Variants in ZC3H14 observed in about 807,000 individuals in gnomAD.
The protein encoded by ZC3H14 is zinc finger CCCH-type containing 14.
A neutral mutation model predicts 92.4 loss-of-function variants in ZC3H14; 31 were observed. That is an observed-to-expected ratio of 0.34 (90% CI 0.25 to 0.45). ZC3H14 has a LOEUF of 0.45. Ranked by LOEUF, ZC3H14 falls within the 20% of genes least tolerant of loss-of-function variation. The pLI, the probability that ZC3H14 is intolerant of heterozygous loss-of-function variation, is 1.00. For synonymous variants in ZC3H14, 321 were observed against 300.9 expected (o/e 1.07, Z -0.69); for missense variants, 781 against 897.3 (o/e 0.87, Z 1.66).
At chr14:88,591,003 TA>T in intron 9 of ZC3H14, 1 of 152,254 alleles carries the variant, frequency 6.6e-6, no homozygotes, top group Non-Finnish European at 1.5e-5. Flanking sequence ...CTGCACCTTG[TA>T]ACCCCCATCT....
chr14:88,595,203 C>A, intron 9 of ZC3H14: 1 of 1,554,690 alleles, frequency 6.4e-7, no homozygotes, highest in Non-Finnish European at 8.6e-7. Context: ...GTGGAGGGAG[C>A]AAGTTACAGA....
chr14:88,602,815 ATC>A lies in ZC3H14; in HGVS notation c.1515-11_1515-10del, dbSNP rs750384352. On this transcript the variant is annotated splice_polypyrimidine_tract_variant and intron_variant, in intron 11 of 16. Transcript: ENST00000251038. ...TTTCCCTAATTCTATGGTATTTTTT[ATC>A]TGTCTGGCAGAGATCTTGTACAACC... 4 of 1,613,256 alleles carry A rather than the reference ATC, an allele frequency of 2.5e-6. No individual in the cohort carries two copies. The highest frequency in any genetic ancestry group is 3.4e-6 in the Non-Finnish European group (4 of 1,179,544).
intron 9 of ZC3H14, chr14:88,590,424 C>A: frequency 6.5e-6 from 1 of 153,094 alleles, no homozygotes. Context: ...TGCACACTGG[C>A]CTGCTTGTCC....
rs566346513 is a variant in ZC3H14 at position 88,604,846 on chromosome 14, G to A, written c.1747+1786G>A. Among the ~76,000 whole-genome samples, 58 of 152,020 alleles carry A rather than the reference G, an allele frequency of 3.8e-4. No individual in the cohort carries two copies. In the South Asian group the frequency reaches 7.7e-3, roughly 20 times the overall value. On this transcript the variant is annotated intron_variant, in intron 12 of 16. Coordinates refer to ENST00000251038, the MANE Select transcript of ZC3H14 (RefSeq NM_024824.5). ...TGACCTCAAGTGATCCACCAACCTC[G>A]GCCTCCCAAAGTTCTGGGATTACAG...
Position 88,602,885 on chromosome 14 carries a change from T to C in ZC3H14, c.1572T>C (p.Gly524=), listed in dbSNP as rs752385551. The C allele has an allele frequency of 6.2e-7, 1 of 1,614,142 alleles. No homozygotes were observed. Among genetic ancestry groups the C allele is most frequent in the South Asian group, 1.1e-5 (1 of 91,076 alleles). Reference sequence around the variant, plus strand: ...CCAAGTTTATAGTGACGCTGGATGGTGTCCCCAGCCCCCCAGGATACATGT... The same window carrying C: ...CCAAGTTTATAGTGACGCTGGATGGCGTCCCCAGCCCCCCAGGATACATGT... ...ASPKFIVTLD[G]VPSPPGYMSD... is the part of the protein sequence containing the mutation. Residue 524 remains glycine (G), a synonymous_variant, in exon 12 of 17, where the codon GGT becomes GGC. Transcript: ENST00000251038.
At chr14:88,565,197 A>C (rs2079407313) in intron 2 of ZC3H14, among the ~76,000 whole-genome samples, 1 of 152,152 alleles carries the variant, frequency 6.6e-6, no homozygotes, top group African/African-American at 2.4e-5. Flanking sequence ...GCTGGAGTGC[A>C]GTGGCGTGAT....
intron 10 of ZC3H14, among the ~76,000 whole-genome samples, chr14:88,601,320 G>A (rs991289588): frequency 6.6e-6 from 1 of 152,040 alleles, no homozygotes; most frequent in African/African-American, 2.4e-5. Context: ...TGTAGGTCTT[G>A]GCATATTTTA....
chr14:88,597,653 C>T (rs969517701), intron 10 of ZC3H14, among the ~76,000 whole-genome samples: 7 of 152,212 alleles, frequency 4.6e-5, no homozygotes, highest in Non-Finnish European at 5.9e-5. Flanking sequence ...CCCACTCCTC[C>T]AACTTCATTC....
intron 8 of ZC3H14, 123 bp downstream of exon 8, chr14:88,576,063 G>C: frequency 1.2e-6 from 1 of 838,808 alleles, no homozygotes; most frequent in Non-Finnish European, 1.9e-6. Flanking sequence ...ACCAAGATGA[G>C]GTTCCCATAT....
chr14:88,626,818 G>A lies in ZC3H14; in HGVS notation c.*15067G>A. 2 of 1,611,862 alleles carry A rather than the reference G, an allele frequency of 1.2e-6. No homozygotes were observed. Reference sequence around the variant, plus strand: ...TGTAAAGTAGTCAAAGTCACACTATGTGCATTTTAAGAGACATACTGCACC... The same window carrying A: ...TGTAAAGTAGTCAAAGTCACACTATATGCATTTTAAGAGACATACTGCACC... On this transcript the variant is annotated 3_prime_UTR_variant, in exon 17 of 17. Transcript: ENST00000251038.
At chr14:88,598,806 G>C (rs1269028315) in intron 10 of ZC3H14, among the ~76,000 whole-genome samples, 2 of 152,208 alleles carry the variant, frequency 1.3e-5, no homozygotes, top group African/African-American at 4.8e-5. Flanking sequence ...GAAAACAGTG[G>C]CCAGGTGCAG....
chr14:88,586,215 A>G (rs2082459536), intron 9 of ZC3H14, among the ~76,000 whole-genome samples: 2 of 152,202 alleles, frequency 1.3e-5, no homozygotes, highest in Non-Finnish European at 2.9e-5. Flanking sequence ...ACATTTTTGT[A>G]ATTTTTTCCA....
rs2087429251 is a variant in ZC3H14 at position 88,615,350 on chromosome 14, T to C, written c.*3599T>C. On this transcript the variant is annotated 3_prime_UTR_variant, in exon 17 of 17. Coordinates refer to ENST00000251038, the MANE Select transcript of ZC3H14 (RefSeq NM_024824.5). ...TAAAAACTGTGATCCTTTAGGATGA[T>C]CATGACTTTCCCTTTCCTTATGGAA... 2 of 152,842 alleles carry C rather than the reference T, an allele frequency of 1.3e-5. No homozygotes were observed. Among genetic ancestry groups the C allele is most frequent in the African/African-American group, 4.8e-5 (2 of 41,472 alleles). 9.5% of individuals were successfully genotyped at this position (152,842 alleles called of 1,614,324 possible). A position where few individuals can be genotyped will look rare whatever the true frequency, so the allele number is the denominator to read the frequency against.
chr14:88,603,208 A>G (rs2084890537), intron 12 of ZC3H14, 148 bp downstream of exon 12: 2 of 814,046 alleles, frequency 2.5e-6, no homozygotes, highest in Admixed American at 4.2e-5. Context: ...CAAACCCACC[A>G]AGTACATTTC....
intron 9 of ZC3H14, among the ~76,000 whole-genome samples, chr14:88,585,710 G>T (rs559643205): frequency 6.6e-6 from 1 of 151,920 alleles, no homozygotes; most frequent in African/African-American, 2.4e-5. Context: ...TCTTTTAGTC[G>T]TTACCAGTGA....
At position 88,618,678 on chromosome 14, in the gene ZC3H14, T is replaced by G; in HGVS notation, c.*6927T>G. On this transcript the variant is annotated 3_prime_UTR_variant, in exon 17 of 17. Coordinates refer to ENST00000251038, the MANE Select transcript of ZC3H14 (RefSeq NM_024824.5). ...GAGATAACTGCTATCTGCAGAGAAGTCCATTTGAATGACAAAGCTTGGAAT... is the reference window on the plus strand; with the variant it reads ...GAGATAACTGCTATCTGCAGAGAAGGCCATTTGAATGACAAAGCTTGGAAT... 1.9e-6 allele frequency: 3 copies of G among 1,612,952 alleles called. No individual in the cohort carries two copies. Among genetic ancestry groups the G allele is most frequent in the Non-Finnish European group, 2.5e-6 (3 of 1,179,504 alleles).
Position 88,618,295 on chromosome 14 carries a change from C to A in ZC3H14, c.*6544C>A, listed in dbSNP as rs1388081421. The A allele has an allele frequency of 6.2e-7, 1 of 1,613,788 alleles. No homozygotes were observed. The highest frequency in any genetic ancestry group is 8.5e-7 in the Non-Finnish European group (1 of 1,179,860). On this transcript the variant is annotated 3_prime_UTR_variant, in exon 17 of 17. Transcript: ENST00000251038. ...TCCATAAGATGTTTTCCTGAAGGCA[C>A]TTCATAGACATGCCGTTTATAGCAG...
In ZC3H14 at chr14:88,627,430, T is replaced by C; in HGVS notation, c.*15679T>C. ...AGCAGTGAATCATTTATAATGCTAA[T>C]AATGGTTTCATTAATTTATCTGTTT... On this transcript the variant is annotated 3_prime_UTR_variant, in exon 17 of 17. Coordinates refer to ENST00000251038, the MANE Select transcript of ZC3H14 (RefSeq NM_024824.5). 1.9e-6 allele frequency: 1 copy of C among 521,570 alleles called. No individual in the cohort carries two copies. 32.3% of individuals were successfully genotyped at this position (521,570 alleles called of 1,614,324 possible).
intron 8 of ZC3H14, among the ~76,000 whole-genome samples, chr14:88,576,935 C>A (rs1202033917): frequency 6.6e-6 from 1 of 151,984 alleles, no homozygotes; most frequent in Non-Finnish European, 1.5e-5. Context: ...GGATTACAGG[C>A]GCCCACTACC....
Sources: gnomAD v4.1 joint callset for allele counts (sites outside exome capture counted in the v4.1 genomes callset) on GRCh38, gnomAD v4.1.1 for gene constraint, MANE v1.5 for transcripts, NCBI Gene and HGNC (gene_info 2026-07-23, HGNC 2026-07-21) for gene names.